HORMAD2: variants seen among roughly 807,000 people sequenced by gnomAD.
HORMAD2 encodes the protein HORMA domain containing 2.
Under a neutral mutation model 38.8 loss-of-function variants are expected in HORMAD2, and 45 were observed. The observed-to-expected ratio is 1.16, with a 90% CI of 0.91 to 1.49. The LOEUF (loss-of-function observed/expected upper bound fraction) is 1.49, where lower values mean the gene tolerates loss of function less well. Ranked by LOEUF, HORMAD2 falls within the 40% of genes most tolerant of loss-of-function variation. The pLI, the probability that HORMAD2 is intolerant of heterozygous loss-of-function variation, is 0.00. For missense variants in HORMAD2, 338 were observed against 367.0 expected, an observed-to-expected ratio of 0.92 and a Z score of 0.65; for synonymous variants, 126 against 122.8, an observed-to-expected ratio of 1.03 and a Z score of -0.17.
chr22:30,206,528 G>T, the HORMAD2 span, among the ~76,000 whole-genome samples: 3 of 152,088 alleles, frequency 2.0e-5, no homozygotes, highest in Non-Finnish European at 4.4e-5. Flanking sequence ...TGTTTTCCAG[G>T]TTAGGGTGCA....
chr22:30,141,985 C>T (rs1469989381), intron 10 of HORMAD2, among the ~76,000 whole-genome samples: 5 of 152,102 alleles, frequency 3.3e-5, no homozygotes, highest in African/African-American at 9.7e-5. Context: ...TGCGATAGCT[C>T]TTACCTGTAA....
At chr22:30,105,335 CT>C in intron 5 of HORMAD2, 1 of 163,582 alleles carries the variant, frequency 6.1e-6, no homozygotes, top group South Asian at 1.5e-4. Flanking sequence ...GCAGCTGGGC[CT>C]GGGCTTGCTC....
At chr22:30,157,570 G>A (rs1185591712) in intron 10 of HORMAD2, among the ~76,000 whole-genome samples, 1 of 151,782 alleles carries the variant, frequency 6.6e-6, no homozygotes, top group Non-Finnish European at 1.5e-5. Flanking sequence ...GCTATTCATT[G>A]CTTCTTGGGT....
chr22:30,142,674 A>G (rs1254715714), intron 10 of HORMAD2, among the ~76,000 whole-genome samples: 2 of 152,066 alleles, frequency 1.3e-5, no homozygotes, highest in Non-Finnish European at 2.9e-5. Context: ...ATTCATGTTT[A>G]ATGTTACTAT....
chr22:30,078,818 C>T (rs1195205505), upstream of HORMAD2, among the ~76,000 whole-genome samples: 1 of 151,904 alleles, frequency 6.6e-6, no homozygotes, highest in East Asian at 1.9e-4. Context: ...GCCTAGTGAT[C>T]CAGCCAGAGA....
the HORMAD2 span, among the ~76,000 whole-genome samples, chr22:30,195,833 C>T: frequency 3.3e-5 from 5 of 152,168 alleles, no homozygotes; most frequent in South Asian, 1.0e-3. Flanking sequence ...TATAAAGGCT[C>T]ACATTGGCTT....
the HORMAD2 span, among the ~76,000 whole-genome samples, chr22:30,190,328 T>C: frequency 6.6e-6 from 1 of 152,234 alleles, no homozygotes; most frequent in Non-Finnish European, 1.5e-5. Context: ...GTACATTTCA[T>C]TTACCATCTT....
chr22:30,184,503 G>A, the HORMAD2 span: 1 of 151,972 alleles, frequency 6.6e-6, no homozygotes, highest in Non-Finnish European at 1.5e-5. Flanking sequence ...TGAGGCCTAA[G>A]TTTGCCACTT....
At chr22:30,116,549 A>T (rs1412387234) in intron 7 of HORMAD2, among the ~76,000 whole-genome samples, 1 of 152,146 alleles carries the variant, frequency 6.6e-6, no homozygotes, top group Non-Finnish European at 1.5e-5. Flanking sequence ...GATTCATAGA[A>T]ACCACTGATG....
At chr22:30,134,458 T>C (rs1402996301) in intron 10 of HORMAD2, among the ~76,000 whole-genome samples, 1 of 147,620 alleles carries the variant, frequency 6.8e-6, no homozygotes, top group East Asian at 1.9e-4. Context: ...AAATATATTA[T>C]ATATATGTAT....
chr22:30,086,890 G>A (rs1365560854), intron 1 of HORMAD2, among the ~76,000 whole-genome samples: 1 of 152,186 alleles, frequency 6.6e-6, no homozygotes, highest in Non-Finnish European at 1.5e-5. Flanking sequence ...CATCTACTGG[G>A]TTCAAGCGAT....
At chr22:30,204,668 C>A in the HORMAD2 span, among the ~76,000 whole-genome samples, 3 of 152,142 alleles carry the variant, frequency 2.0e-5, no homozygotes, top group Non-Finnish European at 2.9e-5. Context: ...TTCCAGGGGT[C>A]TAATGAGAAG....
chr22:30,104,133 T>C (rs1291594408), intron 4 of HORMAD2, among the ~76,000 whole-genome samples: 3 of 152,178 alleles, frequency 2.0e-5, no homozygotes, highest in East Asian at 1.9e-4. Flanking sequence ...ATTTTAAAAA[T>C]TGATAATTCA....
At chr22:30,150,055 T>A (rs1279852724) in intron 10 of HORMAD2, among the ~76,000 whole-genome samples, 1 of 152,186 alleles carries the variant, frequency 6.6e-6, no homozygotes, top group Non-Finnish European at 1.5e-5. Context: ...TGTCTTTTAA[T>A]CTGGTAACTC....
intron 10 of HORMAD2, among the ~76,000 whole-genome samples, chr22:30,126,069 C>T (rs1037694011): frequency 1.3e-5 from 2 of 152,214 alleles, no homozygotes; most frequent in African/African-American, 2.4e-5. Flanking sequence ...TCTTATTTTA[C>T]AGTCACTATT....
the HORMAD2 span, among the ~76,000 whole-genome samples, chr22:30,186,432 T>C: frequency 6.6e-6 from 1 of 151,670 alleles, no homozygotes; most frequent in African/African-American, 2.4e-5. Context: ...ACATTTTTCA[T>C]TACAAAATGA....
chr22:30,205,367 T>C, the HORMAD2 span, among the ~76,000 whole-genome samples: 4 of 152,118 alleles, frequency 2.6e-5, no homozygotes, highest in Non-Finnish European at 5.9e-5. Context: ...CTCCCTGCAG[T>C]CAGGGAGCCA....
intron 10 of HORMAD2, among the ~76,000 whole-genome samples, chr22:30,126,458 C>T (rs1379981979): frequency 1.1e-4 from 17 of 152,252 alleles, no homozygotes; most frequent in South Asian, 2.1e-4. Context: ...TGAGCCACCA[C>T]GCAGGGCCGA....
At chr22:30,205,661 G>C in the HORMAD2 span, among the ~76,000 whole-genome samples, 2 of 152,276 alleles carry the variant, frequency 1.3e-5, no homozygotes, top group South Asian at 4.1e-4. Flanking sequence ...CGAAAGTACT[G>C]TATTTCCCCC....
Sources: allele counts gnomAD v4.1 joint callset (sites outside exome capture counted in the v4.1 genomes callset), GRCh38; gene constraint gnomAD v4.1.1; transcripts MANE v1.5; gene names NCBI Gene and HGNC (gene_info 2026-07-23, HGNC 2026-07-21).